Variants in IRF3 observed in about 807,000 individuals in gnomAD.
IRF3 encodes the protein interferon regulatory factor 3.
Under a neutral mutation model 43.2 loss-of-function variants are expected in IRF3, and 29 were observed. The observed-to-expected ratio is 0.67, with a 90% CI of 0.50 to 0.91. The LOEUF (loss-of-function observed/expected upper bound fraction) is 0.91, where lower values mean the gene tolerates loss of function less well. IRF3 is among the 40% of genes least tolerant of loss of function. The pLI is 0.00. For missense variants in IRF3, 505 were observed against 559.1 expected (o/e 0.90, Z 0.98); for synonymous variants, 228 against 233.9 (o/e 0.97, Z 0.23).
intron 6 of IRF3, chr19:49,661,603 T>TG (rs2081332582): frequency 5.5e-6 from 1 of 182,416 alleles, no homozygotes; most frequent in African/African-American, 2.4e-5. Flanking sequence ...TTGTTCGAGA[T>TG]GGAGTCTTAC....
At position 49,662,255 on chromosome 19, in the gene IRF3, G is replaced by A. The variant is rs373496474; in HGVS notation, c.675C>T (p.Gly225=). The A allele has an allele frequency of 4.3e-6, 7 of 1,613,840 alleles. No homozygotes were observed. The African/African-American group carries it at 9.3e-5, about 22-fold the overall frequency. ...CCACTTCGGACCCCACCAGCCGCAG[G>A]CCCTCCGGGCAGGAGATGGTCTGCT... ...VFQQTISCPE[G]LRLVGSEVGD... The change falls in exon 6 of 8, where the codon GGC becomes GGT. Residue 225 remains glycine (G), a synonymous_variant. Transcript: ENST00000377139.
At chr19:49,661,673 G>A (rs1271305519) in intron 6 of IRF3, 5 of 353,626 alleles carry the variant, frequency 1.4e-5, no homozygotes, top group Middle Eastern at 7.5e-4. Context: ...TCCGCCTCCT[G>A]GGTTCAAGCA....
At chr19:49,664,365 A>G in intron 2 of IRF3, 2 of 1,054,056 alleles carry the variant, frequency 1.9e-6, no homozygotes, top group South Asian at 1.3e-5. Context: ...ACCATCCCCC[A>G]GTATCTATCC....
Position 49,660,801 on chromosome 19 carries a change from C to T in IRF3, c.1010G>A (p.Gly337Glu). ...CCAGAGGGCATAGCGTGGTGAGCGTCCGCTTCCTTCCGTGAAGGTAATCAG... is the reference window on the plus strand; with the variant it reads ...CCAGAGGGCATAGCGTGGTGAGCGTTCGCTTCCTTCCGTGAAGGTAATCAG... ...VDLITFTEGS[G>E]RSPRYALWFC... Residue 337 changes from glycine to glutamate, a missense_variant, in exon 7 of 8, where the codon GGA becomes GAA. Transcript: ENST00000377139. 6.2e-7 allele frequency: 1 copy of T among 1,606,416 alleles called. No homozygotes were observed. The highest frequency in any genetic ancestry group is 1.7e-5 in the Admixed American group (1 of 58,744).
Position 49,660,975 on chromosome 19 carries a change from C to T in IRF3, c.983-147G>A, listed in dbSNP as rs2081299684. 8 of 873,332 alleles carry T rather than the reference C, an allele frequency of 9.2e-6. No homozygotes were observed. In the Admixed American group the frequency reaches 2.3e-4, roughly 25 times the overall value. The allele number at this position is 873,332 out of a possible 1,614,324, so 54.1% of individuals were successfully genotyped here. ...GGGACTGCTTGTTTGGGGAAAGTCCCCTCCTTCCCTCCCTCCCTCCCTCCC... is the reference window on the plus strand; with the variant it reads ...GGGACTGCTTGTTTGGGGAAAGTCCTCTCCTTCCCTCCCTCCCTCCCTCCC... On this transcript the variant is annotated intron_variant, in intron 6 of 7. Transcript: ENST00000377139.
At chr19:49,664,949 T>C (rs781470377) in intron 1 of IRF3, 103 bp from the exon 2 acceptor site, 13 of 1,230,850 alleles carry the variant, frequency 1.1e-5, no homozygotes, top group East Asian at 1.0e-4. Flanking sequence ...ACGGCACAGG[T>C]CCTTCACCCA....
chr19:49,665,670 A>T lies in IRF3; in HGVS notation c.-48T>A, dbSNP rs2304205. On this transcript the variant is annotated 5_prime_UTR_variant, in exon 1 of 8. Coordinates refer to ENST00000377139, the MANE Select transcript of IRF3 (RefSeq NM_001571.6). ...CGGGGCGTGCGGGCAGCTGGAACCC[A>T]CCCCTGTCTTGGAGCTCCGGGTAGC... 5.8e-6 allele frequency: 6 copies of T among 1,034,308 alleles called. No individual in the cohort carries two copies. The highest frequency in any genetic ancestry group is 2.7e-5 in the Admixed American group (1 of 37,712). The allele number at this position is 1,034,308 out of a possible 1,614,324, so 64.1% of individuals were successfully genotyped here.
In IRF3 at chr19:49,662,441, C is replaced by T; in HGVS notation, c.585G>A (p.Leu195=). 1.3e-6 allele frequency: 2 copies of T among 1,597,438 alleles called. No homozygotes were observed. The highest frequency in any genetic ancestry group is 1.1e-5 in the South Asian group (1 of 88,930). ...LGPSENPLKR[L]LVPGEEWEFE... ...GACACTCACCTTCCCCCGGCACCAA[C>T]AGCCGCTTCAGTGGGTTCTCAGAGG... Residue 195 remains leucine, a synonymous_variant, in exon 5 of 8, where the codon CTG becomes CTA. Coordinates refer to ENST00000377139, the MANE Select transcript of IRF3 (RefSeq NM_001571.6).
In IRF3 at chr19:49,662,063, GC is replaced by G; in HGVS notation, c.866del (p.Cys289SerfsTer7). 1 of 1,613,894 alleles carries G rather than the reference GC, an allele frequency of 6.2e-7. No homozygotes were observed. The highest frequency in any genetic ancestry group is 8.5e-7 in the Non-Finnish European group (1 of 1,179,886). On this transcript the variant is annotated frameshift_variant, in exon 6 of 8. Coordinates refer to ENST00000377139, the MANE Select transcript of IRF3 (RefSeq NM_001571.6). LOFTEE classifies it high-confidence loss of function. ...CCTCGCTCACTGCCCAGTATGTGTGGCAGTGCCCCAGCCGCTGGGCCCAGAG... is the reference window on the plus strand; with the variant it reads ...CCTCGCTCACTGCCCAGTATGTGTGGAGTGCCCCAGCCGCTGGGCCCAGAG... ...QWLWAQRLGH[C>X]HTYWAVSEEL...
rs751516864 is a variant in IRF3, at chr19:49,662,060, G to A, written c.870C>T (p.His290=). ...WLWAQRLGHC[H]TYWAVSEELL... The stretch of plus-strand genomic sequence containing the variant: ...GCTCCTCGCTCACTGCCCAGTATGT[G>A]TGGCAGTGCCCCAGCCGCTGGGCCC... The change falls in exon 6 of 8, where the codon CAC becomes CAT. Residue 290 remains histidine, a synonymous_variant. Coordinates refer to ENST00000377139, the MANE Select transcript of IRF3 (RefSeq NM_001571.6). The A allele has an allele frequency of 5.0e-6, 8 of 1,613,794 alleles. No individual in the cohort carries two copies. The Admixed American group carries it at 1.0e-4, about 20-fold the overall frequency.
intron 7 of IRF3, among the ~76,000 whole-genome samples, chr19:49,660,226 A>AC (rs1296747865): frequency 6.6e-6 from 1 of 151,506 alleles, no homozygotes; most frequent in Non-Finnish European, 1.5e-5. Flanking sequence ...GGGGTCCCCA[A>AC]CCCCCCTACG....
chr19:49,664,652 C>T (rs757989360), intron 2 of IRF3, 22 bp downstream of exon 2: 2 of 1,609,938 alleles, frequency 1.2e-6, no homozygotes, highest in Non-Finnish European at 1.7e-6. Context: ...GGGTTTCCAG[C>T]GTCCCAGGTC....
rs1295801861 is a variant in IRF3, at chr19:49,662,517, G to T, written c.509C>A (p.Pro170His). 6.4e-7 allele frequency: 1 copy of T among 1,552,152 alleles called. No individual in the cohort carries two copies. The highest frequency in any genetic ancestry group is 8.7e-7 in the Non-Finnish European group (1 of 1,152,250). Residue 170 changes from proline to histidine, a missense_variant, in exon 5 of 8, where the codon CCC becomes CAC. Pro to His is a moderately conservative substitution (Grantham distance 77, BLOSUM62 -2). Transcript: ENST00000377139. Reference protein sequence around the residue: ...LAVAPEPCPQPLRSPSLDNPT... With the variant: ...LAVAPEPCPQHLRSPSLDNPT... ...ATTGTCCAAGCTGGGGCTCCGCAGG[G>T]GCTGAGGGCAGGGCTCAGGGGCTAC...
rs145762717 is a variant in IRF3, at chr19:49,665,841, G to T, written c.-219C>A. ...AAAAGCCGATGGGACGGCCCGCTGG[G>T]CTGTTCCCGCCCCTATGCCCTTTTT... is the stretch of plus-strand genomic sequence containing the variant. On this transcript the variant is annotated 5_prime_UTR_variant, in exon 1 of 8. Coordinates refer to ENST00000377139, the MANE Select transcript of IRF3 (RefSeq NM_001571.6). The T allele has an allele frequency of 1.3e-6, 2 of 1,598,286 alleles. No homozygotes were observed. The highest frequency in any genetic ancestry group is 1.7e-5 in the Admixed American group (1 of 59,752).
chr19:49,664,366 G>C (rs2081527300), intron 2 of IRF3: 1 of 1,078,550 alleles, frequency 9.3e-7, no homozygotes, highest in African/African-American at 1.6e-5. Context: ...CCATCCCCCA[G>C]TATCTATCCT....
chr19:49,665,580 G>A (rs1332660000), intron 1 of IRF3, 51 bp downstream of exon 1: 4 of 513,176 alleles, frequency 7.8e-6, no homozygotes, highest in South Asian at 5.0e-5. Flanking sequence ...CCTCTTTCCC[G>A]CTCCTCGCTC....
At chr19:49,660,514 A>G (rs1276562526) in intron 7 of IRF3, among the ~76,000 whole-genome samples, 199 bp downstream of exon 7, 1 of 152,134 alleles carries the variant, frequency 6.6e-6, no homozygotes. Flanking sequence ...TTTGGGGGCC[A>G]CTGGTTTAGA....
At chr19:49,664,539 C>A in intron 2 of IRF3, 135 bp downstream of exon 2, 23 of 1,480,384 alleles carry the variant, frequency 1.6e-5, no homozygotes, top group East Asian at 5.8e-5. Context: ...CCCTCCCGTT[C>A]TAGCCCCACC....
intron 7 of IRF3, among the ~76,000 whole-genome samples, 194 bp from the exon 8 acceptor site, chr19:49,660,027 A>ACACACACACACACACACACCC (rs57168131): frequency 2.7e-5 from 2 of 74,750 alleles, no homozygotes; most frequent in African/African-American, 2.0e-4. Context: ...ACACACACAC[A>ACACACACACACACACACACCC]CCCCCTGCTG....
Sources: gnomAD v4.1 joint callset for allele counts (sites outside exome capture counted in the v4.1 genomes callset) on GRCh38, gnomAD v4.1.1 for gene constraint, MANE v1.5 for transcripts, NCBI Gene and HGNC (gene_info 2026-07-23, HGNC 2026-07-21) for gene names.